The following OTOG variants were observed in gnomAD, a reference collection of about 807,000 sequenced individuals.
The protein encoded by OTOG is otogelin.
OTOG carries 296 observed loss-of-function variants against 313.8 expected under a neutral mutation model. The observed-to-expected ratio is 0.94, with a 90% confidence interval of 0.86 to 1.04. The LOEUF (loss-of-function observed/expected upper bound fraction) is 1.04. Among genes scored for constraint, OTOG ranks in the 50% least tolerant of loss-of-function variants. The pLI is 0.00. For missense variants in OTOG, 3,948 were observed against 3,840.1 expected, an observed-to-expected ratio of 1.03 and a Z score of -0.74; for synonymous variants, 1,533 against 1,554.9, an observed-to-expected ratio of 0.99 and a Z score of 0.33.
chr11:17,644,605 G>A (rs893145005), intron 54 of OTOG, among the ~76,000 whole-genome samples: 1 of 152,162 alleles, frequency 6.6e-6, no homozygotes, highest in African/African-American at 2.4e-5. Context: ...GAGTTTTGTG[G>A]GGCCTGACTT....
chr11:17,588,803 G>A (rs889708743), intron 24 of OTOG, among the ~76,000 whole-genome samples: 4 of 151,968 alleles, frequency 2.6e-5, no homozygotes, highest in Non-Finnish European at 5.9e-5. Context: ...GAGTCATCTT[G>A]TAGATCTTGC....
intron 30 of OTOG, 86 bp from the exon 31 acceptor site, chr11:17,599,585 G>GGCTGGGAT (rs1456246548): frequency 2.4e-5 from 35 of 1,450,092 alleles, no homozygotes; most frequent in Non-Finnish European, 5.7e-6. Context: ...GAAGAAGGGA[G>GGCTGGGAT]GCTGGGATGC....
chr11:17,557,407 A>C, intron 8 of OTOG, 84 bp downstream of exon 8: 1 of 1,342,396 alleles, frequency 7.4e-7, no homozygotes, highest in Admixed American at 2.1e-5. Flanking sequence ...GGGGACTTGG[A>C]ACAGAGCCCT....
At chr11:17,632,546 G>A (rs1229384089) in intron 42 of OTOG, among the ~76,000 whole-genome samples, 4 of 151,910 alleles carry the variant, frequency 2.6e-5, no homozygotes, top group Non-Finnish European at 5.9e-5. Flanking sequence ...TGTAACCATC[G>A]CCCCCGCCCA....
chr11:17,602,031 T>A (rs1853267297), intron 31 of OTOG, among the ~76,000 whole-genome samples, 179 bp from the exon 32 acceptor site: 1 of 152,154 alleles, frequency 6.6e-6, no homozygotes, highest in Non-Finnish European at 1.5e-5. Flanking sequence ...AGCCTGGGAA[T>A]CCTGTCCCTT....
At chr11:17,614,266 C>T (rs1471676561) in intron 39 of OTOG, among the ~76,000 whole-genome samples, 2 of 152,122 alleles carry the variant, frequency 1.3e-5, no homozygotes, top group African/African-American at 4.8e-5. Flanking sequence ...GCCCCCAATT[C>T]CTGAGCCTTG....
At chr11:17,595,328 G>C (rs958429460) in intron 28 of OTOG, among the ~76,000 whole-genome samples, 1 of 152,196 alleles carries the variant, frequency 6.6e-6, no homozygotes, top group Non-Finnish European at 1.5e-5. Context: ...GCATACCATG[G>C]GGTTCCCCAG....
chr11:17,620,851 A>C (rs1036186807), intron 39 of OTOG, among the ~76,000 whole-genome samples: 1 of 152,132 alleles, frequency 6.6e-6, no homozygotes, highest in Non-Finnish European at 1.5e-5. Flanking sequence ...TATTGCTCTA[A>C]GTTCATTAAT....
At chr11:17,578,224 T>C (rs895853957) in intron 22 of OTOG, 149 bp from the exon 23 acceptor site, 46 of 1,387,094 alleles carry the variant, frequency 3.3e-5, no homozygotes, top group Non-Finnish European at 4.2e-5. Flanking sequence ...GTGAGGCGTA[T>C]CTGGGAAACC....
At chr11:17,595,887 G>C in intron 28 of OTOG, 151 bp from the exon 29 acceptor site, 1 of 646,220 alleles carries the variant, frequency 1.5e-6, no homozygotes, top group Non-Finnish European at 2.8e-6. Flanking sequence ...GCAAGGTATA[G>C]GTCCCTTCTA....
At position 17,559,553 on chromosome 11, in the gene OTOG, G is replaced by A. The variant is rs1170156381; in HGVS notation, c.1233G>A (p.Lys411=). 9 of 1,550,590 alleles carry A rather than the reference G, an allele frequency of 5.8e-6. No individual in the cohort carries two copies. The highest frequency in any genetic ancestry group is 2.4e-5 in the South Asian group (2 of 84,066). ...CCCAAGCTGTGCACTGCAAGGAGAA[G>A]GCCTTTACCTACAATGAGTGCATCG... is the stretch of plus-strand genomic sequence containing the variant. ...LRQCTVHCKE[K]AFTYNECIAC... Residue 411 remains lysine (K), a synonymous_variant, in exon 12 of 56, where the codon AAG becomes AAA. Coordinates refer to ENST00000399397, the MANE Select transcript of OTOG (RefSeq NM_001292063.2).
In OTOG at chr11:17,574,807, G is replaced by A. The variant is rs950210468; in HGVS notation, c.2381G>A (p.Cys794Tyr). The change falls in exon 20 of 56, where the codon TGT becomes TAT. Residue 794 changes from cysteine (C) to tyrosine (Y), a missense_variant. By Grantham distance (194) the Cys-to-Tyr change is radical. Transcript: ENST00000399397. ...TCQDLASPEA[C>Y]GVDGGDDLSR... is the part of the protein sequence containing the mutation. ...CAGGACCTGGCCAGCCCTGAGGCCT[G>A]TGGGGTTGATGGTGGCGATGACCTG... 6 of 1,550,508 alleles carry A rather than the reference G, an allele frequency of 3.9e-6. No individual in the cohort carries two copies. In the Admixed American group the frequency reaches 5.9e-5, roughly 15 times the overall value.
At chr11:17,599,731 G>C in intron 31 of OTOG, 34 bp downstream of exon 31, 2 of 1,548,002 alleles carry the variant, frequency 1.3e-6, no homozygotes, top group Non-Finnish European at 1.7e-6. Flanking sequence ...AGTCTCAGGG[G>C]CTCAGGCACT....
chr11:17,577,141 G>A (rs1181644017), intron 22 of OTOG, among the ~76,000 whole-genome samples: 1 of 152,246 alleles, frequency 6.6e-6, no homozygotes, highest in Non-Finnish European at 1.5e-5. Context: ...CTGCAGAGGA[G>A]AGGCTGAGAC....
chr11:17,578,625 T>C (rs775866688), intron 23 of OTOG, 99 bp downstream of exon 23: 77 of 1,394,686 alleles, frequency 5.5e-5, no homozygotes, highest in Middle Eastern at 4.8e-4. Context: ...CATGGCCTTG[T>C]AGGAAGGCAC....
intron 17 of OTOG, among the ~76,000 whole-genome samples, chr11:17,570,994 A>C (rs1852392438): frequency 6.6e-6 from 1 of 152,198 alleles, no homozygotes; most frequent in South Asian, 2.1e-4. Flanking sequence ...ATATTTGGGC[A>C]CAGACGTAGG....
In OTOG at chr11:17,574,797, C is replaced by T; in HGVS notation, c.2371C>T (p.Pro791Ser). 1 of 1,550,630 alleles carries T rather than the reference C, an allele frequency of 6.4e-7. No individual in the cohort carries two copies. The highest frequency in any genetic ancestry group is 8.7e-7 in the Non-Finnish European group (1 of 1,146,940). The change falls in exon 20 of 56, where the codon CCT becomes TCT. Residue 791 changes from proline (P) to serine (S), a missense_variant. Pro to Ser is a moderately conservative substitution (Grantham distance 74, BLOSUM62 -1). Coordinates refer to ENST00000399397, the MANE Select transcript of OTOG (RefSeq NM_001292063.2). ...ACGTACCTGCCAGGACCTGGCCAGC[C>T]CTGAGGCCTGTGGGGTTGATGGTGG... is the stretch of plus-strand genomic sequence containing the variant. ...CGRTCQDLAS[P>S]EACGVDGGDD...
chr11:17,632,277 C>T, intron 42 of OTOG, 51 bp downstream of exon 42: 1 of 1,506,780 alleles, frequency 6.6e-7, no homozygotes, highest in Non-Finnish European at 8.9e-7. Flanking sequence ...GTTCCCATCC[C>T]CTGTTAAAGT....
chr11:17,575,445 A>C (rs545147962), intron 20 of OTOG, among the ~76,000 whole-genome samples: 1 of 152,144 alleles, frequency 6.6e-6, no homozygotes, highest in African/African-American at 2.4e-5. Flanking sequence ...CTTTCTGCGG[A>C]GGTGAGGTCT....
Sources: allele counts gnomAD v4.1 joint callset (sites outside exome capture counted in the v4.1 genomes callset), GRCh38; gene constraint gnomAD v4.1.1; transcripts MANE v1.5; gene names NCBI Gene and HGNC (gene_info 2026-07-23, HGNC 2026-07-21).